TMTC2: variants seen among roughly 807,000 people sequenced by gnomAD.
The protein encoded by TMTC2 is protein O-mannosyl-transferase TMTC2.
In TMTC2, 43 loss-of-function variants were observed where a neutral mutation model predicts 82.4. The observed-to-expected ratio is 0.52, with a 90% CI of 0.41 to 0.67. TMTC2 has a LOEUF of 0.67. Ranked by LOEUF, TMTC2 falls within the 30% of genes least tolerant of loss-of-function variation. TMTC2 has a pLI of 0.00. For missense variants in TMTC2, 919 were observed against 1,012.4 expected, an observed-to-expected ratio of 0.91 and a Z score of 1.25; for synonymous variants, 408 against 381.9, an observed-to-expected ratio of 1.07 and a Z score of -0.80.
At chr12:82,992,561 A>G in intron 8 of TMTC2, among the ~76,000 whole-genome samples, 1 of 152,210 alleles carries the variant, frequency 6.6e-6, no homozygotes, top group East Asian at 1.9e-4. Context: ...AATCACCACA[A>G]TATATTCAGC....
At chr12:82,743,398 T>G (rs10862499) in intron 1 of TMTC2, among the ~76,000 whole-genome samples, 149,321 of 151,088 alleles carry the variant, frequency 0.99, 73,807 homozygotes, top group Middle Eastern at 1. Context: ...AGTGAGCCAA[T>G]ATCACACAAC....
At chr12:83,074,712 A>C (rs901298817) in intron 11 of TMTC2, among the ~76,000 whole-genome samples, 1 of 152,032 alleles carries the variant, frequency 6.6e-6, no homozygotes, top group Non-Finnish European at 1.5e-5. Context: ...CCACCCATGC[A>C]CACTAAACAG....
rs558503767 is a variant in TMTC2, at chr12:83,075,288, T to C, written c.2331+13457T>C. 2.6e-5 allele frequency among the ~76,000 whole-genome samples: 4 copies of C among 152,300 alleles called. 1 individual carries two copies. The highest frequency in any genetic ancestry group is 9.6e-5 in the African/African-American group (4 of 41,574). On this transcript the variant is annotated intron_variant, in intron 11 of 11. Coordinates refer to ENST00000321196, the MANE Select transcript of TMTC2 (RefSeq NM_152588.3). ...AAAGGGTCTGTGGGTCCTCTCAGGA[T>C]TGCTGGATTGTTCTTGGAGTTGATC...
intron 8 of TMTC2, among the ~76,000 whole-genome samples, chr12:82,996,583 A>G (rs528382533): frequency 1.3e-5 from 2 of 152,328 alleles, no homozygotes; most frequent in Admixed American, 6.5e-5. Context: ...CCTGTGGTAG[A>G]AGACCTCAAT....
At chr12:82,803,216 T>G (rs1879091134) in intron 1 of TMTC2, among the ~76,000 whole-genome samples, 1 of 152,126 alleles carries the variant, frequency 6.6e-6, no homozygotes, top group Admixed American at 6.6e-5. Context: ...TGTGAAAGAC[T>G]TGGTGAGAGG....
rs35177760 is a variant in TMTC2 at position 82,873,213 on chromosome 12, TTGTGTGTGTG to T, written c.654+15661_654+15670del. 4.9e-5 allele frequency among the ~76,000 whole-genome samples: 7 copies of T among 143,634 alleles called. No individual in the cohort carries two copies. The East Asian group carries it at 8.2e-4, about 17-fold the overall frequency. The allele number at this position is 143,634 out of a possible 152,430, so 94.2% of individuals were successfully genotyped here. On this transcript the variant is annotated intron_variant, in intron 2 of 11. Coordinates refer to ENST00000321196, the MANE Select transcript of TMTC2 (RefSeq NM_152588.3). ...GGATTTTGGCCCTGTTTCAAAGATG[TTGTGTGTGTG>T]TGTGTGTGTGTGTGTGTGTGTGTGT... is the stretch of plus-strand genomic sequence containing the variant.
intron 1 of TMTC2, among the ~76,000 whole-genome samples, chr12:82,788,849 C>G (rs1878314859): frequency 6.6e-6 from 1 of 152,034 alleles, no homozygotes; most frequent in Non-Finnish European, 1.5e-5. Context: ...CTTTCAGAAC[C>G]AAGAGGTTCT....
intron 8 of TMTC2, among the ~76,000 whole-genome samples, chr12:83,007,102 A>T (rs1389969028): frequency 1.3e-5 from 2 of 152,042 alleles, no homozygotes; most frequent in Non-Finnish European, 2.9e-5. Context: ...AATAGAAAAA[A>T]ACCCAGAAAA....
intron 11 of TMTC2, among the ~76,000 whole-genome samples, chr12:83,123,299 TA>T (rs1243833117): frequency 3.3e-5 from 5 of 152,230 alleles, no homozygotes; most frequent in African/African-American, 1.2e-4. Context: ...TGATTTGTTT[TA>T]TTCAAAGCCA....
At chr12:82,976,779 G>T (rs564530937) in intron 7 of TMTC2, among the ~76,000 whole-genome samples, 3 of 152,154 alleles carry the variant, frequency 2.0e-5, no homozygotes, top group African/African-American at 7.2e-5. Context: ...AATGTTTCTA[G>T]TAGTGTTTCT....
chr12:82,778,901 G>A (rs1024296814), intron 1 of TMTC2, among the ~76,000 whole-genome samples: 2 of 148,224 alleles, frequency 1.3e-5, no homozygotes, highest in African/African-American at 5.0e-5. Flanking sequence ...GTTGGATGTG[G>A]TGGCATGCAC....
At chr12:82,957,370 A>C (rs1877670606) in intron 4 of TMTC2, among the ~76,000 whole-genome samples, 1 of 152,212 alleles carries the variant, frequency 6.6e-6, no homozygotes, top group African/African-American at 2.4e-5. Context: ...AGTCTCTGGG[A>C]TACAGCAAAA....
At chr12:82,996,343 A>G (rs1166232613) in intron 8 of TMTC2, among the ~76,000 whole-genome samples, 1 of 152,214 alleles carries the variant, frequency 6.6e-6, no homozygotes, top group Non-Finnish European at 1.5e-5. Flanking sequence ...CTTGACCTTT[A>G]TCTGGTAAAC....
chr12:82,790,150 C>G (rs1317977541), intron 1 of TMTC2, among the ~76,000 whole-genome samples: 1 of 147,604 alleles, frequency 6.8e-6, no homozygotes, highest in Admixed American at 6.8e-5. Flanking sequence ...ACCATACACT[C>G]TAGCTTGGGT....
chr12:83,001,889 G>A (rs1455896054), intron 8 of TMTC2, among the ~76,000 whole-genome samples: 1 of 152,018 alleles, frequency 6.6e-6, no homozygotes, highest in Non-Finnish European at 1.5e-5. Flanking sequence ...ATCGTAGCTA[G>A]ATTAACAAAG....
At chr12:82,836,449 A>G (rs889698398) in intron 1 of TMTC2, among the ~76,000 whole-genome samples, 1 of 152,180 alleles carries the variant, frequency 6.6e-6, no homozygotes, top group Non-Finnish European at 1.5e-5. Context: ...GGACAAGGGA[A>G]GTCGTGGTTG....
At chr12:83,001,881 C>T (rs775833772) in intron 8 of TMTC2, among the ~76,000 whole-genome samples, 1 of 151,998 alleles carries the variant, frequency 6.6e-6, no homozygotes, top group African/African-American at 2.4e-5. Context: ...GTTGATAGAT[C>T]GTAGCTAGAT....
chr12:83,100,424 A>G lies in TMTC2; in HGVS notation c.2332-31786A>G, dbSNP rs538207498. ...TTGATTGTTTGTCTTTTTAATTTAG[A>G]AAAGTGACTTGGTAATGTTAGATAA... is the stretch of plus-strand genomic sequence containing the variant. On this transcript the variant is annotated intron_variant, in intron 11 of 11. Transcript: ENST00000321196. Among the ~76,000 whole-genome samples, 3 of 152,232 alleles carry G rather than the reference A, an allele frequency of 2.0e-5. No homozygotes were observed. The East Asian group carries it at 5.8e-4, about 29-fold the overall frequency.
At chr12:82,762,081 C>T (rs1876679717) in intron 1 of TMTC2, among the ~76,000 whole-genome samples, 1 of 151,422 alleles carries the variant, frequency 6.6e-6, no homozygotes, top group South Asian at 2.1e-4. Flanking sequence ...ATTCTCCTGC[C>T]TCAGCCTCCT....
Sources: gnomAD v4.1 joint callset for allele counts (sites outside exome capture counted in the v4.1 genomes callset) on GRCh38, gnomAD v4.1.1 for gene constraint, MANE v1.5 for transcripts, NCBI Gene and HGNC (gene_info 2026-07-23, HGNC 2026-07-21) for gene names.